The following DNAH12 variants were observed in gnomAD, a reference collection of about 807,000 sequenced individuals.
The protein encoded by DNAH12 is axonemal beta dynein heavy chain 12.
In DNAH12, 285 loss-of-function variants were observed where a neutral mutation model predicts 371.5. That is an observed-to-expected ratio of 0.77 (90% confidence interval 0.70 to 0.85). The LOEUF is 0.85. Among genes scored for constraint, DNAH12 ranks in the 40% least tolerant of loss-of-function variants. DNAH12 has a pLI of 0.00. For synonymous variants in DNAH12, 1,200 were observed against 1,213.0 expected (o/e 0.99, Z 0.22); for missense variants, 3,611 against 3,689.4 (o/e 0.98, Z 0.55).
chr3:57,530,499 A>C (rs2068802449), intron 2 of DNAH12: 2 of 733,928 alleles, frequency 2.7e-6, no homozygotes, highest in Non-Finnish European at 4.9e-6. Flanking sequence ...AAGACTGCTG[A>C]TTTTGGCATT....
chr3:57,462,268 T>C (rs1472848006), intron 18 of DNAH12, among the ~76,000 whole-genome samples: 1 of 149,652 alleles, frequency 6.7e-6, no homozygotes, highest in Non-Finnish European at 1.5e-5. Context: ...GTTTTGTTTT[T>C]GAGACAGAGT....
intron 65 of DNAH12, among the ~76,000 whole-genome samples, chr3:57,321,930 A>T (rs889584165): frequency 1.6e-4 from 25 of 152,274 alleles, no homozygotes; most frequent in Non-Finnish European, 2.8e-4. Flanking sequence ...CTAGAATCTA[A>T]GTTTCATAAA....
Position 57,523,784 on chromosome 3 carries a change from C to A in DNAH12, c.252+19G>T, listed in dbSNP as rs377027332. On this transcript the variant is annotated intron_variant, in intron 3 of 73. Transcript: ENST00000495027. ...AATGATATAAGGATAAACTTTTTAA[C>A]GAGAAAACATAAACTTACAGTTTGA... is the stretch of plus-strand genomic sequence containing the variant. 2.8e-5 allele frequency: 44 copies of A among 1,577,848 alleles called. No homozygotes were observed. Among genetic ancestry groups the A allele is most frequent in the Non-Finnish European group, 3.5e-5 (41 of 1,165,486 alleles).
At chr3:57,548,356 A>G (rs2069594707), upstream of DNAH12, among the ~76,000 whole-genome samples, 1 of 152,224 alleles carries the variant, frequency 6.6e-6, no homozygotes, top group Non-Finnish European at 1.5e-5. Flanking sequence ...CTTAATTTAG[A>G]ATTTGAAATT....
rs1325915393 is a variant in DNAH12 at position 57,302,530 on chromosome 3, TATATATATA to T, written c.11190-600_11190-592del. Among the ~76,000 whole-genome samples, 25 of 17,530 alleles carry T rather than the reference TATATATATA, an allele frequency of 1.4e-3. 3 individuals carry two copies. The highest frequency in any genetic ancestry group is 4.9e-3 in the African/African-American group (25 of 5,152). The allele number at this position is 17,530 out of a possible 152,430, so 11.5% of individuals were successfully genotyped here. On this transcript the variant is annotated intron_variant, in intron 69 of 73. Coordinates refer to ENST00000495027, the MANE Select transcript of DNAH12 (RefSeq NM_001366028.2). Reference sequence around the variant, plus strand: ...GCTGAATTAACTAAGGCATCAGGTGTATATATATATATATATATATATATATATATATAT... The same window carrying T: ...GCTGAATTAACTAAGGCATCAGGTGTTATATATATATATATATATATATAT...
chr3:57,516,284 G>A (rs771440683), intron 4 of DNAH12, among the ~76,000 whole-genome samples: 7 of 151,016 alleles, frequency 4.6e-5, no homozygotes, highest in Non-Finnish European at 8.9e-5. Flanking sequence ...GGCTGGTCTC[G>A]AACTCCTGAC....
chr3:57,523,721 A>G, intron 3 of DNAH12, 82 bp downstream of exon 3: 1 of 1,326,094 alleles, frequency 7.5e-7, no homozygotes, highest in Non-Finnish European at 1.0e-6. Flanking sequence ...CCTTTTAAAA[A>G]CATCAGTTAT....
chr3:57,428,776 G>C lies in DNAH12; in HGVS notation c.5110C>G (p.Gln1704Glu). The C allele has an allele frequency of 6.5e-7, 1 of 1,549,536 alleles. No homozygotes were observed. The highest frequency in any genetic ancestry group is 1.4e-5 in the African/African-American group (1 of 73,064). ...RCGMIYLEPS[Q>E]LGWEPLVSSW... ...GACACAAGTGGTTCCCATCCTAACT[G>C]TGAAGGCTCCAAATAAATCATACCA... Residue 1704 changes from glutamine to glutamate, a missense_variant, in exon 34 of 74, where the codon CAG becomes GAG. By Grantham distance (29) the Gln-to-Glu change is conservative. Around this residue, in one of 3 missense-constraint regions of DNAH12, gnomAD observed 2,266 missense variants for 2,236.9 expected, o/e 1.01. Coordinates refer to ENST00000495027, the MANE Select transcript of DNAH12 (RefSeq NM_001366028.2).
In DNAH12 at chr3:57,477,066, G is replaced by A. The variant is rs184520428; in HGVS notation, c.1651-4395C>T. ...CAGGTTCATCTCACCGGGGAGTGTCGGAAAGTAGGTGCAGGTCAGTGGGTG... is the reference window on the plus strand; with the variant it reads ...CAGGTTCATCTCACCGGGGAGTGTCAGAAAGTAGGTGCAGGTCAGTGGGTG... On this transcript the variant is annotated intron_variant, in intron 13 of 73. Coordinates refer to ENST00000495027, the MANE Select transcript of DNAH12 (RefSeq NM_001366028.2). Among the ~76,000 whole-genome samples the A allele has an allele frequency of 7.4e-3, 1,120 of 152,174 alleles. 8 individuals carry two copies. The highest frequency in any genetic ancestry group is 0.011 in the Non-Finnish European group (746 of 68,008).
chr3:57,547,407 C>T (rs1268061063), upstream of DNAH12, among the ~76,000 whole-genome samples: 2 of 151,926 alleles, frequency 1.3e-5, no homozygotes, highest in Admixed American at 6.6e-5. Context: ...ATCCTCCTGC[C>T]TTGGCCTCTA....
At chr3:57,326,711 A>G (rs1255306029) in intron 62 of DNAH12, among the ~76,000 whole-genome samples, 1 of 152,202 alleles carries the variant, frequency 6.6e-6, no homozygotes, top group Non-Finnish European at 1.5e-5. Flanking sequence ...ACATAACAAT[A>G]TTAACTTTAA....
intron 62 of DNAH12, among the ~76,000 whole-genome samples, chr3:57,325,325 G>A (rs111376209): frequency 3.9e-5 from 6 of 152,364 alleles, no homozygotes; most frequent in African/African-American, 1.2e-4. Flanking sequence ...GCACCCCCAA[G>A]TAGGGGCAAA....
At chr3:57,335,810 T>G (rs927299547) in intron 60 of DNAH12, among the ~76,000 whole-genome samples, 31 of 152,208 alleles carry the variant, frequency 2.0e-4, no homozygotes, top group Non-Finnish European at 8.8e-5. Flanking sequence ...TAAGGGGCTG[T>G]AAACTGAAAG....
chr3:57,401,500 A>G (rs9869192), intron 43 of DNAH12, among the ~76,000 whole-genome samples: 48,560 of 144,608 alleles, frequency 0.34, 8,662 homozygotes, highest in South Asian at 0.46. Context: ...GGAGGCGAAG[A>G]TTGCAGTGAG....
At chr3:57,482,148 C>G (rs1345998512) in intron 13 of DNAH12, among the ~76,000 whole-genome samples, 3 of 151,770 alleles carry the variant, frequency 2.0e-5, no homozygotes, top group Non-Finnish European at 2.9e-5. Context: ...TACAGAATGG[C>G]AGAAAATTTT....
intron 44 of DNAH12, among the ~76,000 whole-genome samples, chr3:57,393,625 C>CAAAAAAAAAAAAAAAAAAAAAA (rs1180952196): frequency 3.1e-5 from 2 of 64,296 alleles, no homozygotes; most frequent in Non-Finnish European, 5.0e-5. Context: ...GACTCTGTCT[C>CAAAAAAAAAAAAAAAAAAAAAA]AAAAAAAAAA....
At position 57,460,754 on chromosome 3, in the gene DNAH12, T is replaced by C. The variant is rs539036271; in HGVS notation, c.2736+735A>G. On this transcript the variant is annotated intron_variant, in intron 19 of 73. Coordinates refer to ENST00000495027, the MANE Select transcript of DNAH12 (RefSeq NM_001366028.2). Reference sequence around the variant, plus strand: ...TGCTCATATTAAAACCAAACTGCCTTGGTTTGAACCCCAGCTCTGTCACTT... The same window carrying C: ...TGCTCATATTAAAACCAAACTGCCTCGGTTTGAACCCCAGCTCTGTCACTT... Among the ~76,000 whole-genome samples, 3 of 152,314 alleles carry C rather than the reference T, an allele frequency of 2.0e-5. No homozygotes were observed. In the East Asian group the frequency reaches 5.8e-4, roughly 29 times the overall value.
intron 69 of DNAH12, among the ~76,000 whole-genome samples, chr3:57,307,317 ACT>A (rs1398295294): frequency 1.6e-3 from 247 of 150,976 alleles, no homozygotes; most frequent in African/African-American, 5.9e-3. Flanking sequence ...TCCTTTCCCC[ACT>A]CCTCTTTCCA....
chr3:57,410,821 C>A (rs1194252839), intron 39 of DNAH12, among the ~76,000 whole-genome samples: 32 of 146,606 alleles, frequency 2.2e-4, no homozygotes, highest in South Asian at 4.3e-4. Context: ...GTCTCAAAGG[C>A]AAAAAAAAAA....
Sources: gnomAD v4.1 joint callset for allele counts (sites outside exome capture counted in the v4.1 genomes callset) on GRCh38, gnomAD v4.1.1 for gene constraint, gnomAD v4.1.1 regional missense constraint, MANE v1.5 for transcripts, NCBI Gene and HGNC (gene_info 2026-07-23, HGNC 2026-07-21) for gene names.